The following FBXL13 variants were observed in gnomAD, a reference collection of about 807,000 sequenced individuals.
FBXL13 encodes F-box and leucine-rich repeat protein 13.
Under a neutral mutation model 83.6 loss-of-function variants are expected in FBXL13, and 67 were observed. That is an observed-to-expected ratio of 0.80 (90% CI 0.66 to 0.98). The LOEUF is 0.98. Ranked by LOEUF, FBXL13 falls within the 50% of genes least tolerant of loss-of-function variation. The probability of loss-of-function intolerance (pLI) is 0.00; values close to 1 mark genes in which losing one functional copy is unlikely to be tolerated. For synonymous variants in FBXL13, 272 were observed against 299.5 expected, an observed-to-expected ratio of 0.91 and a Z score of 0.95; for missense variants, 822 against 866.5, an observed-to-expected ratio of 0.95 and a Z score of 0.64.
intron 8 of FBXL13, among the ~76,000 whole-genome samples, chr7:102,945,966 A>T (rs536979665): frequency 6.6e-6 from 1 of 151,988 alleles, no homozygotes; most frequent in African/African-American, 2.4e-5. Flanking sequence ...GCTGCAACCT[A>T]CGCCTTCCGG....
At chr7:102,985,068 TG>T (rs1395025382) in intron 6 of FBXL13, among the ~76,000 whole-genome samples, 1 of 152,222 alleles carries the variant, frequency 6.6e-6, no homozygotes, top group African/African-American at 2.4e-5. Context: ...CCTTTATCCC[TG>T]AAGACAGACC....
At chr7:102,965,204 T>C (rs1311267750) in intron 7 of FBXL13, among the ~76,000 whole-genome samples, 1 of 152,226 alleles carries the variant, frequency 6.6e-6, no homozygotes, top group South Asian at 2.1e-4. Flanking sequence ...AGACCTGGCA[T>C]TCTCTTATAA....
At chr7:102,927,516 A>G (rs894661871) in intron 9 of FBXL13, among the ~76,000 whole-genome samples, 71 of 152,330 alleles carry the variant, frequency 4.7e-4, no homozygotes, top group African/African-American at 1.6e-3. Context: ...ATGGATTTTT[A>G]AAACAATAAA....
intron 11 of FBXL13, among the ~76,000 whole-genome samples, chr7:102,902,936 A>AC (rs1554446522): frequency 6.7e-6 from 1 of 148,800 alleles, no homozygotes; most frequent in African/African-American, 2.5e-5. Context: ...AAATTTTAGG[A>AC]TTTTTTTTTT....
rs576534158 is a variant in FBXL13, at chr7:103,071,961, T to C, written c.-105+2285A>G. On this transcript the variant is annotated intron_variant, in intron 1 of 19. Coordinates refer to ENST00000313221, the Ensembl canonical transcript of FBXL13. ...ACTTTGGGAGGCTGAGGCGGGTGGA[T>C]CACCTGAGGTTAGGAGTTCGAGACC... Among the ~76,000 whole-genome samples, 9 of 152,124 alleles carry C rather than the reference T, an allele frequency of 5.9e-5. 1 individual carries two copies. The highest frequency in any genetic ancestry group is 2.0e-4 in the Admixed American group (3 of 15,278).
chr7:103,029,973 C>T (rs1289697580), intron 2 of FBXL13: 1 of 152,148 alleles, frequency 6.6e-6, no homozygotes, highest in African/African-American at 2.4e-5. Context: ...CTGAAATCAT[C>T]TATACCTTCT....
chr7:102,986,477 A>C (rs1400482258), intron 6 of FBXL13, among the ~76,000 whole-genome samples: 1 of 152,182 alleles, frequency 6.6e-6, no homozygotes, highest in Non-Finnish European at 1.5e-5. Context: ...CCTGTGCCCA[A>C]GCTGGGCTCA....
intron 6 of FBXL13, among the ~76,000 whole-genome samples, chr7:102,992,927 C>T (rs1157952838): frequency 6.6e-6 from 1 of 152,164 alleles, no homozygotes; most frequent in Non-Finnish European, 1.5e-5. Context: ...TTAACAGAGA[C>T]AGCGATTAAG....
At chr7:102,944,316 G>A in intron 8 of FBXL13, 1 of 1,613,948 alleles carries the variant, frequency 6.2e-7, no homozygotes, top group Non-Finnish European at 8.5e-7. Flanking sequence ...TGAAACTCTT[G>A]TGGCTCAGAG....
chr7:102,829,795 C>T (rs1285436074), intron 18 of FBXL13, among the ~76,000 whole-genome samples: 1 of 152,132 alleles, frequency 6.6e-6, no homozygotes, highest in African/African-American at 2.4e-5. Context: ...TTTTGGGAAA[C>T]CTGGCACAGA....
At chr7:103,071,595 A>C (rs1188822494) in intron 1 of FBXL13, among the ~76,000 whole-genome samples, 1 of 142,156 alleles carries the variant, frequency 7.0e-6, no homozygotes, top group Admixed American at 7.4e-5. Flanking sequence ...ACAGGGTCTC[A>C]CTATGTTACC....
intron 8 of FBXL13, among the ~76,000 whole-genome samples, chr7:102,953,441 C>G (rs1438107098): frequency 1.3e-5 from 2 of 151,970 alleles, no homozygotes; most frequent in Non-Finnish European, 2.9e-5. Context: ...TTAGAAAAGG[C>G]ATTTGACAAA....
downstream of FBXL13, chr7:102,813,142 G>A (rs2129444456): frequency 1.7e-6 from 1 of 582,796 alleles, no homozygotes; most frequent in East Asian, 3.3e-5. Flanking sequence ...TCCTGGCCTG[G>A]CTTCTTTTTT....
chr7:103,012,838 C>T (rs1023188759), intron 6 of FBXL13, among the ~76,000 whole-genome samples: 2 of 152,144 alleles, frequency 1.3e-5, no homozygotes, highest in African/African-American at 4.8e-5. Flanking sequence ...GCTAAATGCC[C>T]CCATTTAAAA....
intron 2 of FBXL13, among the ~76,000 whole-genome samples, chr7:103,045,211 G>A (rs1796147845): frequency 6.6e-6 from 1 of 152,220 alleles, no homozygotes; most frequent in Non-Finnish European, 1.5e-5. Context: ...TGAACACTCA[G>A]CAGTGTATGA....
chr7:102,924,268 C>T (rs1817641745), intron 10 of FBXL13, among the ~76,000 whole-genome samples: 1 of 151,206 alleles, frequency 6.6e-6, no homozygotes, highest in African/African-American at 2.4e-5. Context: ...TAAAACTATG[C>T]TTAGCTTAGG....
chr7:102,910,405 G>A (rs1301837591), intron 11 of FBXL13, among the ~76,000 whole-genome samples: 2 of 150,776 alleles, frequency 1.3e-5, no homozygotes, highest in South Asian at 2.1e-4. Flanking sequence ...TTCTTTGTGT[G>A]TTGGGGGGAG....
At chr7:103,057,301 G>A (rs552000350) in intron 1 of FBXL13, among the ~76,000 whole-genome samples, 1 of 152,234 alleles carries the variant, frequency 6.6e-6, no homozygotes, top group South Asian at 2.1e-4. Flanking sequence ...ACTGTACCGT[G>A]AGGGTTTGCA....
Position 102,921,170 on chromosome 7 carries a change from G to A in FBXL13, c.878+5104C>T, listed in dbSNP as rs114891089. ...CCGTCTCAAAACAAAGCGAATTCAA[G>A]GCAAAGAAACATCAACCAGCATAAA... On this transcript the variant is annotated intron_variant, in intron 10 of 19. Coordinates refer to ENST00000313221, the Ensembl canonical transcript of FBXL13. Among the ~76,000 whole-genome samples, 289 of 151,782 alleles carry A rather than the reference G, an allele frequency of 1.9e-3. 2 individuals carry two copies. Among genetic ancestry groups the A allele is most frequent in the African/African-American group, 6.7e-3 (276 of 41,364 alleles).
Sources: gnomAD v4.1 joint callset for allele counts (sites outside exome capture counted in the v4.1 genomes callset) on GRCh38, gnomAD v4.1.1 for gene constraint, MANE v1.5 for transcripts, NCBI Gene and HGNC (gene_info 2026-07-23, HGNC 2026-07-21) for gene names.